BTBD9: variants seen among roughly 807,000 people sequenced by gnomAD.
BTBD9 encodes the protein BTB/POZ domain-containing protein 9.
A neutral mutation model predicts 64.3 loss-of-function variants in BTBD9; 49 were observed. The ratio of observed to expected loss-of-function variants is 0.76; its 90% CI spans 0.61 to 0.97. BTBD9 has a LOEUF of 0.97. Among genes scored for constraint, BTBD9 ranks in the 50% least tolerant of loss-of-function variants. BTBD9 has a pLI of 0.00. For synonymous variants in BTBD9, 260 were observed against 274.7 expected (o/e 0.95, Z 0.53); for missense variants, 598 against 762.1 (o/e 0.78, Z 2.53).
intron 6 of BTBD9, among the ~76,000 whole-genome samples, chr6:38,439,425 G>C (rs1442321743): frequency 6.6e-6 from 1 of 151,412 alleles, no homozygotes; most frequent in Non-Finnish European, 1.5e-5. Context: ...ACCATGCCCA[G>C]CCTGTTTTTT....
intron 6 of BTBD9, among the ~76,000 whole-genome samples, chr6:38,351,104 A>C (rs893555694): frequency 3.3e-5 from 5 of 152,254 alleles, no homozygotes; most frequent in African/African-American, 1.2e-4. Context: ...CTAGAAAAGC[A>C]TGTTGCAAAG....
chr6:38,326,770 A>C (rs1582234792), intron 7 of BTBD9, among the ~76,000 whole-genome samples: 1 of 151,830 alleles, frequency 6.6e-6, no homozygotes, highest in African/African-American at 2.4e-5. Flanking sequence ...AAAAAAAAAA[A>C]AACAGCTGGT....
intron 8 of BTBD9, among the ~76,000 whole-genome samples, chr6:38,268,308 G>C (rs1384975588): frequency 6.6e-6 from 1 of 152,134 alleles, no homozygotes; most frequent in African/African-American, 2.4e-5. Context: ...AAGAAGCAGC[G>C]CCAAAGAGAA....
chr6:38,333,833 C>A (rs1184841394), intron 7 of BTBD9, among the ~76,000 whole-genome samples: 1 of 152,138 alleles, frequency 6.6e-6, no homozygotes, highest in African/African-American at 2.4e-5. Flanking sequence ...GAGAAGTGTG[C>A]CATTGCTACA....
chr6:38,225,948 C>T (rs1482129163), intron 9 of BTBD9, among the ~76,000 whole-genome samples: 1 of 152,212 alleles, frequency 6.6e-6, no homozygotes, highest in Admixed American at 6.5e-5. Context: ...GATGACTGAG[C>T]ACGTTTCATT....
At chr6:38,351,573 C>A (rs1764516555) in intron 6 of BTBD9, among the ~76,000 whole-genome samples, 1 of 134,610 alleles carries the variant, frequency 7.4e-6, no homozygotes, top group South Asian at 2.5e-4. Context: ...GTGATCTCAG[C>A]TCACTGCAAG....
At chr6:38,412,320 G>A (rs534943950) in intron 6 of BTBD9, among the ~76,000 whole-genome samples, 6 of 152,106 alleles carry the variant, frequency 3.9e-5, no homozygotes, top group South Asian at 2.1e-4. Context: ...AGAAAAGATC[G>A]GCAAGCATCC....
chr6:38,298,347 G>T (rs1009136106), intron 7 of BTBD9, among the ~76,000 whole-genome samples: 3 of 151,596 alleles, frequency 2.0e-5, no homozygotes, highest in African/African-American at 4.9e-5. Flanking sequence ...CAATATAAAA[G>T]ACCTTAACAC....
At chr6:38,557,464 A>C (rs6910904) in intron 6 of BTBD9, among the ~76,000 whole-genome samples, 16,489 of 152,322 alleles carry the variant, frequency 0.11, 1,368 homozygotes, top group East Asian at 0.27. Context: ...TCTAAGCCTC[A>C]GTTTCCTCAT....
intron 6 of BTBD9, among the ~76,000 whole-genome samples, chr6:38,461,601 T>C (rs1170594805): frequency 6.6e-6 from 1 of 152,354 alleles, no homozygotes; most frequent in African/African-American, 2.4e-5. Context: ...TTTTGCATAT[T>C]AAAAATGAAG....
intron 2 of BTBD9, among the ~76,000 whole-genome samples, chr6:38,595,178 A>AT (rs1225248828): frequency 1.3e-5 from 2 of 152,238 alleles, no homozygotes; most frequent in Non-Finnish European, 2.9e-5. Context: ...GTTTATGCAC[A>AT]TATGTCTACA....
intron 6 of BTBD9, among the ~76,000 whole-genome samples, chr6:38,506,614 T>C (rs564979542): frequency 1.3e-5 from 2 of 152,228 alleles, no homozygotes; most frequent in African/African-American, 2.4e-5. Flanking sequence ...AGCTGAACCA[T>C]TGTAAACTGG....
At chr6:38,552,034 A>G (rs1300256177) in intron 6 of BTBD9, among the ~76,000 whole-genome samples, 1 of 152,220 alleles carries the variant, frequency 6.6e-6, no homozygotes, top group Non-Finnish European at 1.5e-5. Flanking sequence ...ATGCATTTAC[A>G]TTTACAGAAA....
chr6:38,633,365 C>T (rs949372565), intron 1 of BTBD9, among the ~76,000 whole-genome samples: 1 of 152,154 alleles, frequency 6.6e-6, no homozygotes, highest in African/African-American at 2.4e-5. Context: ...ACTCAGTTAC[C>T]TTATTAGTAA....
chr6:38,371,170 A>G (rs1765410259), intron 6 of BTBD9, among the ~76,000 whole-genome samples: 1 of 152,118 alleles, frequency 6.6e-6, no homozygotes, highest in Admixed American at 6.5e-5. Flanking sequence ...GCAGCCCCCC[A>G]TTGCTTTAAT....
chr6:38,638,798 C>T (rs780906548), intron 1 of BTBD9, among the ~76,000 whole-genome samples: 34 of 152,200 alleles, frequency 2.2e-4, no homozygotes, highest in Non-Finnish European at 8.8e-5. Flanking sequence ...CCTTAATCAA[C>T]AGAAAGAAAA....
intron 6 of BTBD9, among the ~76,000 whole-genome samples, chr6:38,543,253 C>T (rs1562318559): frequency 6.6e-6 from 1 of 152,202 alleles, no homozygotes; most frequent in Non-Finnish European, 1.5e-5. Context: ...CCCTACTTCC[C>T]CACCCAAGCC....
At chr6:38,505,927 C>T (rs571787894) in intron 6 of BTBD9, among the ~76,000 whole-genome samples, 15 of 137,238 alleles carry the variant, frequency 1.1e-4, no homozygotes, top group Non-Finnish European at 1.8e-4. Context: ...ATTGTGCCAC[C>T]GCATTCCAGC....
chr6:38,599,537 T>C lies in BTBD9; in HGVS notation c.-27-1416A>G, dbSNP rs182937581. On this transcript the variant is annotated intron_variant, in intron 1 of 10. Transcript: ENST00000481247. ...CATTCAGATGCCCCCGGTGAAGAGG[T>C]AGTTGATAGCTCAGAGGTAGCCAGC... is the stretch of plus-strand genomic sequence containing the variant. Among the ~76,000 whole-genome samples, 10 of 152,216 alleles carry C rather than the reference T, an allele frequency of 6.6e-5. No individual in the cohort carries two copies. In the East Asian group the frequency reaches 1.9e-3, roughly 29 times the overall value.
Sources: gnomAD v4.1 joint callset for allele counts (sites outside exome capture counted in the v4.1 genomes callset) on GRCh38, gnomAD v4.1.1 for gene constraint, MANE v1.5 for transcripts, NCBI Gene and HGNC (gene_info 2026-07-23, HGNC 2026-07-21) for gene names.